Variants in ZNF446 observed in about 807,000 individuals in gnomAD.
ZNF446 encodes zinc finger protein with KRAB and SCAN domains 20.
Under a neutral mutation model 34.0 loss-of-function variants are expected in ZNF446, and 42 were observed. The ratio of observed to expected loss-of-function variants is 1.23; its 90% CI spans 0.96 to 1.60. The LOEUF (loss-of-function observed/expected upper bound fraction) is 1.60, where lower values mean the gene tolerates loss of function less well. Among genes scored for constraint, ZNF446 ranks in the 40% most tolerant of loss-of-function variants. The pLI is 0.00. For synonymous variants in ZNF446, 315 were observed against 251.0 expected, an observed-to-expected ratio of 1.25 and a Z score of -2.41; for missense variants, 650 against 600.2, an observed-to-expected ratio of 1.08 and a Z score of -0.87.
Position 58,480,206 on chromosome 19 carries a change from C to A in ZNF446, c.833C>A (p.Pro278Gln). ...GNESEGPPGCPEAQPPQGPGP... is the reference protein window; with the variant it reads ...GNESEGPPGCQEAQPPQGPGP... ...GAGAGTGAGGGTCCACCTGGCTGCC[C>A]AGAGGCCCAGCCGCCCCAGGGCCCA... is the stretch of plus-strand genomic sequence containing the variant. The change falls in exon 7 of 7, where the codon CCA becomes CAA. Residue 278 changes from proline (P) to glutamine (Q), a missense_variant. By Grantham distance (76) the Pro-to-Gln change is moderately conservative. Coordinates refer to ENST00000594369, the MANE Select transcript of ZNF446 (RefSeq NM_017908.4). The surrounding 1 kb of genome is among the most constrained non-coding windows in gnomAD (Gnocchi z 7.2). 1 of 1,596,438 alleles carries A rather than the reference C, an allele frequency of 6.3e-7. No individual in the cohort carries two copies. The highest frequency in any genetic ancestry group is 1.1e-5 in the South Asian group (1 of 90,676).
At chr19:58,484,578 G>A (rs2053159778), downstream of ZNF446, among the ~76,000 whole-genome samples, 2 of 151,094 alleles carry the variant, frequency 1.3e-5, no homozygotes, top group Admixed American at 6.6e-5. Flanking sequence ...ACACCTGTAA[G>A]CCCAGCACTT....
At chr19:58,477,852 G>T in intron 3 of ZNF446, 26 bp downstream of exon 3, 1 of 1,509,600 alleles carries the variant, frequency 6.6e-7, no homozygotes, top group South Asian at 1.3e-5. Flanking sequence ...CACCAGAGAT[G>T]AGGGACTCCT....
At chr19:58,478,338 G>A (rs1568617312) in intron 4 of ZNF446, among the ~76,000 whole-genome samples, 157 bp downstream of exon 4, 2 of 152,150 alleles carry the variant, frequency 1.3e-5, no homozygotes, top group African/African-American at 2.4e-5. Context: ...ACAGGACCTG[G>A]GGCAGAGGGA....
At position 58,478,052 on chromosome 19, in the gene ZNF446, C is replaced by T. The variant is rs761852342; in HGVS notation, c.533-35C>T. ...TCTGCCATGGCTCATGTGGGCAGCC[C>T]CTGACACCACCCTTCCATCTGCCCC... On this transcript the variant is annotated intron_variant, in intron 3 of 6. Transcript: ENST00000594369. 1.0e-5 allele frequency: 16 copies of T among 1,585,184 alleles called. No homozygotes were observed. In the East Asian group the frequency reaches 3.1e-4, roughly 31 times the overall value.
At chr19:58,486,676 T>C in the ZNF446 span, among the ~76,000 whole-genome samples, 1 of 148,474 alleles carries the variant, frequency 6.7e-6, no homozygotes, top group Non-Finnish European at 1.5e-5. Context: ...CCCAAAGTGC[T>C]GGGATTACAG....
Position 58,477,417 on chromosome 19 carries a change from G to T in ZNF446, c.199G>T (p.Glu67Ter). 1.2e-6 allele frequency: 2 copies of T among 1,613,540 alleles called. No individual in the cohort carries two copies. Among genetic ancestry groups the T allele is most frequent in the Non-Finnish European group, 1.7e-6 (2 of 1,180,024 alleles). Reference sequence around the variant, plus strand: ...GGCACACTCCAAGGAGCAGATGCTGGAGATGCTGGTGCTGGAGCAGTTCCT... The same window carrying T: ...GGCACACTCCAAGGAGCAGATGCTGTAGATGCTGGTGCTGGAGCAGTTCCT... ...PEAHSKEQML[E>*]MLVLEQFLGT... is the part of the protein sequence containing the mutation. The change falls in exon 2 of 7, where the codon GAG becomes TAG. Residue 67 changes from glutamate (E) to a stop codon, truncating the protein, a stop_gained. Coordinates refer to ENST00000594369, the MANE Select transcript of ZNF446 (RefSeq NM_017908.4). LOFTEE classifies it high-confidence loss of function.
intron 1 of ZNF446, among the ~76,000 whole-genome samples, 160 bp from the exon 2 acceptor site, chr19:58,477,019 G>A (rs916080688): frequency 2.0e-5 from 3 of 152,024 alleles, no homozygotes; most frequent in Non-Finnish European, 2.9e-5. Context: ...CATTGTTTGG[G>A]TCCTGTGACC....
At chr19:58,485,963 G>A (rs995101916), downstream of ZNF446, among the ~76,000 whole-genome samples, 1 of 151,984 alleles carries the variant, frequency 6.6e-6, no homozygotes, top group African/African-American at 2.4e-5. Flanking sequence ...TCTGTCACCC[G>A]GGGTGAAGTG....
At chr19:58,483,513 C>CA (rs1180712037), downstream of ZNF446, 1 of 151,968 alleles carries the variant, frequency 6.6e-6, no homozygotes, top group Non-Finnish European at 1.5e-5. Context: ...ACTAATTAGC[C>CA]AGGCATAGTG....
At chr19:58,482,138 G>C (rs997382987), downstream of ZNF446, among the ~76,000 whole-genome samples, 1 of 152,130 alleles carries the variant, frequency 6.6e-6, no homozygotes, top group Non-Finnish European at 1.5e-5. Flanking sequence ...AAGGCTCTAG[G>C]AGAGAATAAT....
intron 4 of ZNF446, among the ~76,000 whole-genome samples, chr19:58,478,670 CAAA>C (rs1002764870): frequency 8.3e-6 from 1 of 120,584 alleles, no homozygotes; most frequent in Non-Finnish European, 1.8e-5. Flanking sequence ...GTGTCAAAAA[CAAA>C]AAAAAAAAAA....
intron 5 of ZNF446, 99 bp from the exon 6 acceptor site, chr19:58,479,831 T>C (rs753311401): frequency 6.3e-6 from 9 of 1,425,710 alleles, no homozygotes; most frequent in South Asian, 4.9e-5. Flanking sequence ...CCTACCCAGC[T>C]CTCCCACCTT....
downstream of ZNF446, among the ~76,000 whole-genome samples, chr19:58,484,184 C>G (rs2122458327): frequency 6.6e-6 from 1 of 150,834 alleles, no homozygotes; most frequent in Non-Finnish European, 1.5e-5. Flanking sequence ...CTCCTGTAAT[C>G]CCAGCACTTT....
downstream of ZNF446, among the ~76,000 whole-genome samples, chr19:58,481,633 C>G (rs2053141047): frequency 1.3e-5 from 2 of 152,198 alleles, no homozygotes; most frequent in Non-Finnish European, 2.9e-5. Flanking sequence ...AGCACCGGAT[C>G]TCTGGGCAGT....
At chr19:58,488,570 G>T in the ZNF446 span, among the ~76,000 whole-genome samples, 3 of 142,038 alleles carry the variant, frequency 2.1e-5, no homozygotes, top group Non-Finnish European at 3.1e-5. Context: ...AAAAAAAAAA[G>T]GCTGGGTGCG....
chr19:58,479,841 T>G (rs1407549619), intron 5 of ZNF446, 89 bp from the exon 6 acceptor site: 1 of 1,411,248 alleles, frequency 7.1e-7, no homozygotes, highest in African/African-American at 1.4e-5. Flanking sequence ...TCTCCCACCT[T>G]CCAGAGGAAC....
downstream of ZNF446, among the ~76,000 whole-genome samples, chr19:58,486,084 CTTTCT>C (rs1158113987): frequency 7.8e-6 from 1 of 128,090 alleles, no homozygotes; most frequent in African/African-American, 2.9e-5. Context: ...ACTCAGCTAA[CTTTCT>C]TTTTTTTTTT....
chr19:58,485,255 C>A (rs2053163110), downstream of ZNF446, among the ~76,000 whole-genome samples: 1 of 151,328 alleles, frequency 6.6e-6, no homozygotes, highest in Admixed American at 6.6e-5. Flanking sequence ...AATCCCAGCA[C>A]TTTGGGAGGC....
At position 58,479,640 on chromosome 19, in the gene ZNF446, CAGG is replaced by C. The variant is rs754720173; in HGVS notation, c.631_633del (p.Glu211del). 1.9e-6 allele frequency: 3 copies of C among 1,613,408 alleles called. No individual in the cohort carries two copies. Among genetic ancestry groups the C allele is most frequent in the East Asian group, 2.2e-5 (1 of 44,878 alleles). On this transcript the variant is annotated splice_acceptor_variant and coding_sequence_variant, in exon 5 of 7. Transcript: ENST00000594369. LOFTEE classifies it high-confidence loss of function. ...CGCCTACAGTGATGGGCCACATCCG[CAGG>C]AGGAGTGGGGGCTGCTGGACCGGTC...
Sources: allele counts gnomAD v4.1 joint callset (sites outside exome capture counted in the v4.1 genomes callset), GRCh38; gene constraint gnomAD v4.1.1; non-coding constraint Gnocchi (gnomAD v3.1); transcripts MANE v1.5; gene names NCBI Gene and HGNC (gene_info 2026-07-23, HGNC 2026-07-21).